Variants in PCDH15 observed in about 807,000 individuals in gnomAD.
PCDH15 encodes the protein protocadherin related 15.
PCDH15 carries 129 observed loss-of-function variants against 178.5 expected under a neutral mutation model. The ratio of observed to expected loss-of-function variants is 0.72; its 90% confidence interval spans 0.63 to 0.84. The LOEUF (loss-of-function observed/expected upper bound fraction) is 0.84, where lower values mean the gene tolerates loss of function less well. PCDH15 is among the 40% of genes least tolerant of loss of function. The pLI is 0.00. For missense variants in PCDH15, 2,230 were observed against 2,099.9 expected (o/e 1.06, Z -1.21); for synonymous variants, 800 against 732.0 (o/e 1.09, Z -1.50).
intron 2 of PCDH15, among the ~76,000 whole-genome samples, chr10:55,618,918 A>C (rs138373065): frequency 0.01 from 1,588 of 152,188 alleles, 18 homozygotes; most frequent in Admixed American, 0.016. Context: ...TGATGACAAA[A>C]AAATAAGAAA....
chr10:55,490,901 A>G (rs1840398409), intron 2 of PCDH15, among the ~76,000 whole-genome samples: 2 of 151,796 alleles, frequency 1.3e-5, no homozygotes, highest in South Asian at 4.1e-4. Context: ...TTCAAAATAC[A>G]TATTACATTC....
At chr10:54,378,128 T>C (rs1216079240) in intron 4 of PCDH15, among the ~76,000 whole-genome samples, 1 of 151,934 alleles carries the variant, frequency 6.6e-6, no homozygotes, top group African/African-American at 2.4e-5. Flanking sequence ...TCTTACTCTA[T>C]TTGCCAGGCT....
rs548583231 is a variant in PCDH15, at chr10:55,207,743, A to G, written c.-155-41092T>C. On this transcript the variant is annotated intron_variant, in intron 1 of 5. Transcript: ENST00000458638. ...CAGCACTTGGGAGGCTGAGGCGGGC[A>G]TATCACCTGAGGTCAGGAGTTCAAG... Among the ~76,000 whole-genome samples, 5 of 152,226 alleles carry G rather than the reference A, an allele frequency of 3.3e-5. No homozygotes were observed. The East Asian group carries it at 5.8e-4, about 18-fold the overall frequency.
intron 8 of PCDH15, among the ~76,000 whole-genome samples, chr10:54,315,244 A>G (rs2061169074): frequency 6.6e-6 from 1 of 152,142 alleles, no homozygotes; most frequent in Admixed American, 6.6e-5. Context: ...TGACTGTGCA[A>G]TGGTTTCTCA....
intron 1 of PCDH15, among the ~76,000 whole-genome samples, chr10:54,669,719 C>T (rs968655058): frequency 6.7e-6 from 1 of 148,192 alleles, no homozygotes; most frequent in Non-Finnish European, 1.5e-5. Context: ...TTTTAACATG[C>T]TACTACATCT....
intron 11 of PCDH15, among the ~76,000 whole-genome samples, chr10:54,189,536 TG>T (rs2048773926): frequency 1.3e-5 from 2 of 152,126 alleles, no homozygotes; most frequent in South Asian, 2.1e-4. Flanking sequence ...CCACATATAA[TG>T]GAATAACGAT....
intron 2 of PCDH15, among the ~76,000 whole-genome samples, chr10:55,376,673 C>T (rs1453208130): frequency 6.6e-6 from 1 of 151,952 alleles, no homozygotes; most frequent in Non-Finnish European, 1.5e-5. Flanking sequence ...TTTTGTATAG[C>T]TTCAAGATTG....
intron 1 of PCDH15, among the ~76,000 whole-genome samples, chr10:55,318,348 A>T (rs938628780): frequency 6.6e-6 from 1 of 152,192 alleles, no homozygotes; most frequent in African/African-American, 2.4e-5. Flanking sequence ...TTTGAAGGAG[A>T]CAATAAATTA....
chr10:55,498,431 T>G (rs1840583749), intron 2 of PCDH15, among the ~76,000 whole-genome samples: 1 of 151,820 alleles, frequency 6.6e-6, no homozygotes, highest in Non-Finnish European at 1.5e-5. Context: ...GTTCACTTAT[T>G]TCAAATAAAA....
intron 2 of PCDH15, among the ~76,000 whole-genome samples, chr10:55,439,113 C>T (rs1043772830): frequency 6.6e-5 from 10 of 151,930 alleles, no homozygotes; most frequent in African/African-American, 2.4e-4. Flanking sequence ...CTGTATTAGC[C>T]AAGATGGTCT....
At chr10:54,490,305 A>C (rs1300455041) in intron 3 of PCDH15, among the ~76,000 whole-genome samples, 3 of 151,774 alleles carry the variant, frequency 2.0e-5, no homozygotes, top group South Asian at 2.1e-4. Flanking sequence ...AAAAAATTAG[A>C]TGGGCGTGGT....
At chr10:54,791,320 G>A (rs1398981093) in intron 1 of PCDH15, among the ~76,000 whole-genome samples, 3 of 151,844 alleles carry the variant, frequency 2.0e-5, no homozygotes, top group Non-Finnish European at 2.9e-5. Flanking sequence ...AATAGCAAAG[G>A]TGGAAGCAAG....
intron 2 of PCDH15, among the ~76,000 whole-genome samples, chr10:54,539,475 A>G (rs1440811798): frequency 6.6e-6 from 1 of 152,230 alleles, no homozygotes; most frequent in Admixed American, 6.5e-5. Context: ...ATCCAAATTC[A>G]TGAAACAAGG....
chr10:54,017,373 A>G (rs1207223309), intron 20 of PCDH15, among the ~76,000 whole-genome samples: 1 of 152,164 alleles, frequency 6.6e-6, no homozygotes, highest in Non-Finnish European at 1.5e-5. Flanking sequence ...AATAACAAAG[A>G]CATGGAATCG....
intron 2 of PCDH15, among the ~76,000 whole-genome samples, chr10:54,656,330 C>A (rs887286170): frequency 6.6e-6 from 1 of 151,886 alleles, no homozygotes; most frequent in African/African-American, 2.4e-5. Context: ...ACTTAGAGAC[C>A]CCAAAAAAGT....
intron 2 of PCDH15, among the ~76,000 whole-genome samples, chr10:54,555,736 CAAAAAAAAA>C (rs869032040): frequency 2.7e-5 from 2 of 73,396 alleles, no homozygotes; most frequent in Non-Finnish European, 2.7e-5. Flanking sequence ...GACTCTGTCT[CAAAAAAAAA>C]AAAAAAAAAG....
chr10:55,146,306 C>T (rs1444594498), intron 2 of PCDH15, among the ~76,000 whole-genome samples: 1 of 151,940 alleles, frequency 6.6e-6, no homozygotes, highest in African/African-American at 2.4e-5. Context: ...GATATGAGCT[C>T]AGCTGGCAGT....
intron 1 of PCDH15, among the ~76,000 whole-genome samples, chr10:55,238,211 G>A (rs552253525): frequency 3.0e-3 from 438 of 146,332 alleles, no homozygotes; most frequent in Admixed American, 7.0e-3. Flanking sequence ...GCACAGTGGC[G>A]CGATCTCGGC....
chr10:55,364,300 C>T (rs1026003803), intron 2 of PCDH15, among the ~76,000 whole-genome samples: 4 of 152,080 alleles, frequency 2.6e-5, no homozygotes, highest in Admixed American at 6.6e-5. Context: ...GTAAGCAAAA[C>T]GGATTAATAC....
Sources: allele counts gnomAD v4.1 joint callset (sites outside exome capture counted in the v4.1 genomes callset), GRCh38; gene constraint gnomAD v4.1.1; transcripts MANE v1.5; gene names NCBI Gene and HGNC (gene_info 2026-07-23, HGNC 2026-07-21).